Variants in PAAF1 observed in about 807,000 individuals in gnomAD.
PAAF1 encodes proteasomal ATPase associated factor 1.
A neutral mutation model predicts 52.8 loss-of-function variants in PAAF1; 46 were observed. The observed-to-expected ratio is 0.87, with a 90% CI of 0.69 to 1.11. The LOEUF (loss-of-function observed/expected upper bound fraction) is 1.11. Among genes scored for constraint, PAAF1 ranks in the 50% most tolerant of loss-of-function variants. The pLI, the probability that PAAF1 is intolerant of heterozygous loss-of-function variation, is 0.00. For missense variants in PAAF1, 424 were observed against 477.4 expected (o/e 0.89, Z 1.04); for synonymous variants, 178 against 172.8 (o/e 1.03, Z -0.24).
intron 6 of PAAF1, among the ~76,000 whole-genome samples, chr11:73,908,218 A>T (rs1949811301): frequency 6.7e-6 from 1 of 149,480 alleles, no homozygotes; most frequent in Admixed American, 6.7e-5. Context: ...TATGTAAATA[A>T]ATATATATAT....
Position 73,914,408 on chromosome 11 carries a change from T to C in PAAF1, c.728-5T>C, listed in dbSNP as rs1327570750. ...TGTTATTAACATAGTTTATTTGTCA[T>C]GCAGGTGAACGGGAGGTTGGAACAG... On this transcript the variant is annotated splice_polypyrimidine_tract_variant and splice_region_variant and intron_variant, in intron 7 of 11. Coordinates refer to ENST00000310571, the MANE Select transcript of PAAF1 (RefSeq NM_025155.3). 1 of 1,613,808 alleles carries C rather than the reference T, an allele frequency of 6.2e-7. No homozygotes were observed. Among genetic ancestry groups the C allele is most frequent in the Non-Finnish European group, 8.5e-7 (1 of 1,179,732 alleles).
At chr11:73,897,100 A>C (rs1228719536) in intron 4 of PAAF1, among the ~76,000 whole-genome samples, 2 of 133,470 alleles carry the variant, frequency 1.5e-5, no homozygotes, top group African/African-American at 2.9e-5. Flanking sequence ...CTGGCCGGGC[A>C]GAGTGGCTCC....
intron 9 of PAAF1, among the ~76,000 whole-genome samples, chr11:73,918,368 T>TG (rs1476779773): frequency 6.3e-5 from 9 of 143,048 alleles, no homozygotes; most frequent in African/African-American, 2.4e-4. Context: ...TTTTTTTTTT[T>TG]TTTTTTTTTT....
In PAAF1 at chr11:73,878,800, GC is replaced by G. The variant is rs1271196066; in HGVS notation, c.70del (p.Leu24Ter). ...ALRKDEGEAW[L>X]SCHPPGKPSL... ...GTAGGAAGGATGAAGGGGAGGCCTGGCTGAGCTGTCATCCCCCAGGTAATAC... is the reference window on the plus strand; with the variant it reads ...GTAGGAAGGATGAAGGGGAGGCCTGGTGAGCTGTCATCCCCCAGGTAATAC... On this transcript the variant is annotated frameshift_variant, in exon 2 of 12. Transcript: ENST00000310571. LOFTEE classifies it high-confidence loss of function. 7 of 1,613,132 alleles carry G rather than the reference GC, an allele frequency of 4.3e-6. No individual in the cohort carries two copies. Among genetic ancestry groups the G allele is most frequent in the Non-Finnish European group, 5.1e-6 (6 of 1,179,556 alleles).
At chr11:73,912,298 A>G (rs7940614) in intron 7 of PAAF1, among the ~76,000 whole-genome samples, 6,295 of 152,282 alleles carry the variant, frequency 0.041, 190 homozygotes, top group Middle Eastern at 0.099. Flanking sequence ...TGTCTAATAA[A>G]TAAGTTGAAC....
chr11:73,900,135 A>C, intron 5 of PAAF1, 135 bp from the exon 6 acceptor site: 2 of 879,864 alleles, frequency 2.3e-6, no homozygotes, highest in Admixed American at 5.1e-5. Flanking sequence ...GATCCTTTGG[A>C]TATCCTTAGT....
At chr11:73,894,421 A>C (rs555167833) in intron 4 of PAAF1, among the ~76,000 whole-genome samples, 1 of 151,988 alleles carries the variant, frequency 6.6e-6, no homozygotes, top group African/African-American at 2.4e-5. Flanking sequence ...GGGCAGATCA[A>C]TTGAGGCCAG....
At chr11:73,914,772 G>A (rs557992511) in intron 8 of PAAF1, among the ~76,000 whole-genome samples, 71 of 147,794 alleles carry the variant, frequency 4.8e-4, no homozygotes, top group African/African-American at 1.2e-3. Context: ...GCGCAATCTC[G>A]GTTCAGCTCA....
At chr11:73,904,078 C>T (rs920712368) in intron 6 of PAAF1, among the ~76,000 whole-genome samples, 3 of 149,418 alleles carry the variant, frequency 2.0e-5, no homozygotes, top group Admixed American at 6.7e-5. Flanking sequence ...AGCGAGACTC[C>T]GTCTCAAAAA....
intron 6 of PAAF1, among the ~76,000 whole-genome samples, chr11:73,900,968 C>T (rs368581380): frequency 2.7e-5 from 3 of 111,568 alleles, no homozygotes; most frequent in East Asian, 3.0e-4. Context: ...GGCGACAGAG[C>T]GAGACTCCGT....
chr11:73,894,663 A>G (rs1949296379), intron 4 of PAAF1, among the ~76,000 whole-genome samples: 2 of 152,170 alleles, frequency 1.3e-5, no homozygotes, highest in South Asian at 4.2e-4. Context: ...AAAAATAAAA[A>G]TAAAAAAAAA....
Position 73,927,385 on chromosome 11 carries a change from G to A in PAAF1, c.*23G>A, listed in dbSNP as rs1443762534. On this transcript the variant is annotated 3_prime_UTR_variant, in exon 12 of 12. Coordinates refer to ENST00000310571, the MANE Select transcript of PAAF1 (RefSeq NM_025155.3). ...TGACTTCTTGGAAAGAGCAGTCCCG[G>A]TTAGTGAAAAGGTTTGACCCTGATC... 1 of 1,598,346 alleles carries A rather than the reference G, an allele frequency of 6.3e-7. No individual in the cohort carries two copies. The highest frequency in any genetic ancestry group is 8.6e-7 in the Non-Finnish European group (1 of 1,166,316).
chr11:73,918,352 A>ATTTTT (rs1157984685), intron 9 of PAAF1, among the ~76,000 whole-genome samples: 54 of 71,726 alleles, frequency 7.5e-4, no homozygotes, highest in Middle Eastern at 9.8e-3. Flanking sequence ...CAGTTACTTA[A>ATTTTT]TTTTTTTTTT....
At chr11:73,924,949 T>A (rs1950312368) in intron 11 of PAAF1, among the ~76,000 whole-genome samples, 1 of 151,776 alleles carries the variant, frequency 6.6e-6, no homozygotes. Context: ...GGTCAGGAGT[T>A]CAAGACCAGC....
intron 4 of PAAF1, among the ~76,000 whole-genome samples, chr11:73,896,028 G>A (rs1949341352): frequency 6.6e-6 from 1 of 152,182 alleles, no homozygotes; most frequent in South Asian, 2.1e-4. Flanking sequence ...AGGATCACTT[G>A]TTCCTGAGAG....
chr11:73,892,691 G>A (rs1490521213), intron 4 of PAAF1, among the ~76,000 whole-genome samples: 2 of 151,100 alleles, frequency 1.3e-5, no homozygotes, highest in South Asian at 2.1e-4. Context: ...ATGGAGTCTC[G>A]CTCTGTTGCC....
chr11:73,887,278 C>A (rs1377499375), intron 2 of PAAF1, 76 bp from the exon 3 acceptor site: 1 of 1,040,422 alleles, frequency 9.6e-7, no homozygotes, highest in Admixed American at 2.3e-5. Flanking sequence ...TATACAGATG[C>A]CTGAATTGGG....
upstream of PAAF1, chr11:73,876,746 G>A (rs756965775): frequency 1.5e-4 from 49 of 328,516 alleles, no homozygotes; most frequent in Admixed American, 1.2e-3. Context: ...AACGCGGTAC[G>A]CGATGCTCAC....
chr11:73,912,677 ACT>A (rs1365790867), intron 7 of PAAF1, among the ~76,000 whole-genome samples: 1 of 151,062 alleles, frequency 6.6e-6, no homozygotes, highest in Non-Finnish European at 1.5e-5. Context: ...CCTGCTTAAA[ACT>A]CTCCAGTGGC....
Sources: allele counts gnomAD v4.1 joint callset (sites outside exome capture counted in the v4.1 genomes callset), GRCh38; gene constraint gnomAD v4.1.1; transcripts MANE v1.5; gene names NCBI Gene and HGNC (gene_info 2026-07-23, HGNC 2026-07-21).